The following OOSP4B variants were observed in gnomAD, a reference collection of about 807,000 sequenced individuals.
OOSP4B encodes oocyte-secreted protein 4B.
intron 1 of OOSP4B, among the ~76,000 whole-genome samples, chr11:60,023,563 T>C (rs1854715566): frequency 6.6e-6 from 1 of 152,134 alleles, no homozygotes; most frequent in Non-Finnish European, 1.5e-5. Context: ...GTCTCCCAAG[T>C]AGCTGGGATT....
exon 5 of OOSP4B, chr11:60,030,891 G>T: frequency 2.5e-6 from 1 of 398,110 alleles, no homozygotes; most frequent in Non-Finnish European, 4.4e-6. Flanking sequence ...GATACATCTT[G>T]TCTGAAAACC....
intron 3 of OOSP4B, among the ~76,000 whole-genome samples, chr11:60,027,028 T>C (rs963277761): frequency 6.6e-6 from 1 of 152,154 alleles, no homozygotes; most frequent in African/African-American, 2.4e-5. Flanking sequence ...AGGGAGTACA[T>C]ATATAGGTTT....
intron 3 of OOSP4B, among the ~76,000 whole-genome samples, chr11:60,025,736 GTA>G (rs1462091515): frequency 6.6e-6 from 1 of 152,156 alleles, no homozygotes; most frequent in Non-Finnish European, 1.5e-5. Flanking sequence ...ATCTTTGGGT[GTA>G]TGTTTTTGTT....
intron 3 of OOSP4B, among the ~76,000 whole-genome samples, chr11:60,028,324 C>A (rs1854766817): frequency 6.6e-6 from 1 of 151,770 alleles, no homozygotes; most frequent in Non-Finnish European, 1.5e-5. Context: ...CCCCACCATG[C>A]CAGACTAATT....
At chr11:60,023,703 G>C (rs2134625608) in intron 1 of OOSP4B, among the ~76,000 whole-genome samples, 177 bp from the exon 2 acceptor site, 1 of 152,288 alleles carries the variant, frequency 6.6e-6, no homozygotes, top group East Asian at 1.9e-4. Context: ...CAGAATGCTG[G>C]GATTACAGGC....
At chr11:60,021,871 C>G (rs1317508166) in intron 1 of OOSP4B, among the ~76,000 whole-genome samples, 1 of 151,506 alleles carries the variant, frequency 6.6e-6, no homozygotes, top group Non-Finnish European at 1.5e-5. Flanking sequence ...GTAGTCCTAG[C>G]TACTCAGGAG....
At position 60,019,210 on chromosome 11, in the gene OOSP4B, G is replaced by A. The variant is rs574095603; in HGVS notation, c.22+1797G>A. On this transcript the variant is annotated intron_variant, in intron 1 of 4. Transcript: ENST00000642343. ...TGCACTCAAGCCTGGGCGACAGAGC[G>A]AGACTCTTTCTCAGAAAAAAAATAA... 3.3e-5 allele frequency among the ~76,000 whole-genome samples: 5 copies of A among 151,700 alleles called. No homozygotes were observed. The South Asian group carries it at 8.3e-4, about 25-fold the overall frequency.
At chr11:60,019,254 C>T (rs1305038911) in intron 1 of OOSP4B, among the ~76,000 whole-genome samples, 1 of 152,092 alleles carries the variant, frequency 6.6e-6, no homozygotes, top group African/African-American at 2.4e-5. Context: ...AACCTAGTGC[C>T]TGTAATCCCA....
At chr11:60,024,683 C>A (rs1461078148) in intron 2 of OOSP4B, among the ~76,000 whole-genome samples, 1 of 152,140 alleles carries the variant, frequency 6.6e-6, no homozygotes, top group African/African-American at 2.4e-5. Flanking sequence ...GACCCAGAGA[C>A]AATTTTCTCC....
At chr11:60,030,977 A>C (rs1463065052) in exon 5 of OOSP4B, 1 of 394,936 alleles carries the variant, frequency 2.5e-6, no homozygotes, top group Non-Finnish European at 4.5e-6. Context: ...TACATTTTGG[A>C]GTTTTGAATA....
At chr11:60,018,168 C>T (rs1021680694) in intron 1 of OOSP4B, among the ~76,000 whole-genome samples, 1 of 152,184 alleles carries the variant, frequency 6.6e-6, no homozygotes, top group East Asian at 1.9e-4. Context: ...AGAGTGATGT[C>T]GGCTGCGTCT....
chr11:60,030,867 G>A (rs1193507855), exon 5 of OOSP4B: 1 of 398,020 alleles, frequency 2.5e-6, no homozygotes, highest in Admixed American at 4.4e-5. Flanking sequence ...CCTCCCTAAA[G>A]CAAGGGAACA....
At position 60,028,806 on chromosome 11, in the gene OOSP4B, T is replaced by C. The variant is rs570554605; in HGVS notation, c.303-976T>C. 1.6e-4 allele frequency among the ~76,000 whole-genome samples: 25 copies of C among 152,318 alleles called. No individual in the cohort carries two copies. The South Asian group carries it at 5.0e-3, about 30-fold the overall frequency. On this transcript the variant is annotated intron_variant, in intron 3 of 4. Transcript: ENST00000642343. ...GGGGTCTTTTGGCCAACACTGAGCA[T>C]AGATGCCTTCTCCACGGTGGGTCCA...
rs144439145 is a variant in OOSP4B, at chr11:60,024,462, C to A, written c.204+401C>A. ...GGCTGAGGCAGGAGAATCACTTGAA[C>A]CTGGGAGGCAGAGGTTGTAGTGAGC... On this transcript the variant is annotated intron_variant, in intron 2 of 4. Coordinates refer to ENST00000642343, the Ensembl canonical transcript of OOSP4B. Among the ~76,000 whole-genome samples the A allele has an allele frequency of 2.3e-3, 344 of 152,266 alleles. 1 individual carries two copies. Among genetic ancestry groups the A allele is most frequent in the African/African-American group, 7.6e-3 (317 of 41,562 alleles).
At position 60,017,699 on chromosome 11, in the gene OOSP4B, T is replaced by C. The variant is rs568025787; in HGVS notation, c.22+286T>C. On this transcript the variant is annotated intron_variant, in intron 1 of 4. Coordinates refer to ENST00000642343, the Ensembl canonical transcript of OOSP4B. ...ATTTGAAAGTTCTCCAGTTTTAGTTTATCTTATGCCATTATCCCTCTTCTA... is the reference window on the plus strand; with the variant it reads ...ATTTGAAAGTTCTCCAGTTTTAGTTCATCTTATGCCATTATCCCTCTTCTA... 3.3e-5 allele frequency among the ~76,000 whole-genome samples: 5 copies of C among 152,336 alleles called. 1 individual carries two copies. Among genetic ancestry groups the C allele is most frequent in the African/African-American group, 9.6e-5 (4 of 41,570 alleles).
intron 1 of OOSP4B, among the ~76,000 whole-genome samples, chr11:60,020,993 G>T (rs1179039138): frequency 6.6e-6 from 1 of 152,212 alleles, no homozygotes. Context: ...TAGCCATAAT[G>T]CTTGGCACAC....
chr11:60,026,426 A>G (rs1476476097), intron 3 of OOSP4B, among the ~76,000 whole-genome samples: 2 of 152,192 alleles, frequency 1.3e-5, no homozygotes, highest in African/African-American at 2.4e-5. Flanking sequence ...CTCTTTCGTT[A>G]TATCAATGAC....
chr11:60,030,483 A>T (rs942385490), intron 4 of OOSP4B, among the ~76,000 whole-genome samples: 6 of 152,218 alleles, frequency 3.9e-5, no homozygotes, highest in Non-Finnish European at 7.4e-5. Context: ...TTGACATTTC[A>T]TAAAGAAATA....
chr11:60,024,826 T>C (rs879565774), intron 2 of OOSP4B, 82 bp from the exon 3 acceptor site: 3 of 396,750 alleles, frequency 7.6e-6, no homozygotes, highest in Non-Finnish European at 1.3e-5. Context: ...TTCCGGATTT[T>C]CCTAAAGCAG....
Sources: gnomAD v4.1 joint callset for allele counts (sites outside exome capture counted in the v4.1 genomes callset) on GRCh38, gnomAD v4.1.1 for gene constraint, MANE v1.5 for transcripts, NCBI Gene and HGNC (gene_info 2026-07-23, HGNC 2026-07-21) for gene names.